NCALD: variants seen among roughly 807,000 people sequenced by gnomAD.
NCALD encodes neurocalcin-delta.
Under a neutral mutation model 18.6 loss-of-function variants are expected in NCALD, and 10 were observed. The ratio of observed to expected loss-of-function variants is 0.54; its 90% confidence interval spans 0.33 to 0.91. The LOEUF (loss-of-function observed/expected upper bound fraction) is 0.91. Among genes scored for constraint, NCALD ranks in the 40% least tolerant of loss-of-function variants. The probability of loss-of-function intolerance (pLI) is 0.03; values close to 1 mark genes in which losing one functional copy is unlikely to be tolerated. For synonymous variants in NCALD, 88 were observed against 87.4 expected (o/e 1.01, Z -0.04); for missense variants, 184 against 247.6 (o/e 0.74, Z 1.72).
intron 2 of NCALD, among the ~76,000 whole-genome samples, chr8:102,008,474 T>TAAAAAAAAAAAAAAA (rs34867950): frequency 7.5e-6 from 1 of 133,364 alleles, no homozygotes; most frequent in Non-Finnish European, 1.6e-5. Flanking sequence ...TAAAGGCAGT[T>TAAAAAAAAAAAAAAA]AAAAAAAAAA....
At chr8:101,756,455 G>A (rs1404046313) in intron 1 of NCALD, among the ~76,000 whole-genome samples, 1 of 152,202 alleles carries the variant, frequency 6.6e-6, no homozygotes, top group Non-Finnish European at 1.5e-5. Context: ...TACCTGGCCC[G>A]TGTTCAACAG....
chr8:102,046,448 CT>C (rs1341902720), intron 1 of NCALD, among the ~76,000 whole-genome samples: 1 of 152,178 alleles, frequency 6.6e-6, no homozygotes, highest in Non-Finnish European at 1.5e-5. Context: ...ATCTAATCTT[CT>C]AGTCATTTTT....
In NCALD at chr8:101,689,018, T is replaced by C; in HGVS notation, c.*291A>G. The C allele has an allele frequency of 1.4e-6, 1 of 697,938 alleles. No homozygotes were observed. Among genetic ancestry groups the C allele is most frequent in the Non-Finnish European group, 2.6e-6 (1 of 383,684 alleles). 43.2% of individuals were successfully genotyped at this position (697,938 alleles called of 1,614,324 possible). On this transcript the variant is annotated 3_prime_UTR_variant, in exon 4 of 4. Transcript: ENST00000220931. This position sits in a 1 kb window ranked among gnomAD's most constrained non-coding sequence, Gnocchi z 4.4. The stretch of plus-strand genomic sequence containing the variant: ...GCCCCAACCCCCGAGTCTTACGTTT[T>C]AGAACAGAGACATTAGAATAAAAAA...
At chr8:102,059,273 C>T (rs1227546020) in intron 1 of NCALD, among the ~76,000 whole-genome samples, 1 of 152,232 alleles carries the variant, frequency 6.6e-6, no homozygotes, top group East Asian at 1.9e-4. Context: ...GTAAGGTTCT[C>T]TGATGGGCTA....
rs564724757 is a variant in NCALD at position 101,945,236 on chromosome 8, C to T, written c.-156-29378G>A. ...ACTTTTCCAACAAGCATTTATTGAG[C>T]CTCTACTATGTGCCAGGCATCATGC... On this transcript the variant is annotated intron_variant, in intron 2 of 6. Transcript: ENST00000311028. Among the ~76,000 whole-genome samples, 5 of 152,236 alleles carry T rather than the reference C, an allele frequency of 3.3e-5. No individual in the cohort carries two copies. The South Asian group carries it at 1.0e-3, about 32-fold the overall frequency.
intron 4 of NCALD, among the ~76,000 whole-genome samples, chr8:101,883,084 AAT>A (rs1489766747): frequency 6.6e-6 from 1 of 152,244 alleles, no homozygotes; most frequent in Non-Finnish European, 1.5e-5. Context: ...TGTAAGAAGA[AAT>A]AGAGGCCAGA....
At position 101,819,263 on chromosome 8, in the gene NCALD, CTTTA is replaced by C. The variant is rs1554639373; in HGVS notation, c.-20+67874_-20+67877del. Among the ~76,000 whole-genome samples, 456 of 148,378 alleles carry C rather than the reference CTTTA, an allele frequency of 3.1e-3. 1 individual carries two copies. Among genetic ancestry groups the C allele is most frequent in the African/African-American group, 4.8e-3 (193 of 40,612 alleles). On this transcript the variant is annotated intron_variant, in intron 4 of 6. Coordinates refer to the NCALD transcript ENST00000311028. ...TATTTGTTTACTTATAAATACATAA[CTTTA>C]TTTATTTATTTATTTATTTATTTAT...
intron 4 of NCALD, among the ~76,000 whole-genome samples, chr8:101,854,861 C>T (rs1211919369): frequency 2.0e-5 from 3 of 152,112 alleles, no homozygotes; most frequent in Non-Finnish European, 4.4e-5. Context: ...ACACAATAAA[C>T]CTCAATGAGT....
At chr8:102,021,828 C>A (rs1822284561) in intron 1 of NCALD, among the ~76,000 whole-genome samples, 1 of 152,100 alleles carries the variant, frequency 6.6e-6, no homozygotes, top group Non-Finnish European at 1.5e-5. Flanking sequence ...GATGGGAGTG[C>A]CAGAGGTCTC....
intron 2 of NCALD, among the ~76,000 whole-genome samples, chr8:101,996,434 A>G (rs937793898): frequency 6.6e-6 from 1 of 152,272 alleles, no homozygotes; most frequent in East Asian, 1.9e-4. Context: ...GCAAGTGGAC[A>G]TGATCTGGGT....
chr8:102,040,635 T>G (rs1426750849), intron 1 of NCALD, among the ~76,000 whole-genome samples: 1 of 152,124 alleles, frequency 6.6e-6, no homozygotes, highest in African/African-American at 2.4e-5. Flanking sequence ...CAGGCAAGAA[T>G]GAATGAGCTT....
In NCALD at chr8:101,719,263, C is replaced by G. The variant is rs530185576; in HGVS notation, c.367G>C (p.Glu123Gln). Residue 123 changes from glutamate (E) to glutamine (Q), a missense_variant, in exon 2 of 4, where the codon GAG (glutamate) becomes CAG (glutamine). Glu to Gln is a conservative substitution (Grantham distance 29). Coordinates refer to ENST00000220931, the MANE Select transcript of NCALD (RefSeq NM_032041.3). ...CTCAGTCTACGTACCTGCACGATCT[C>G]TAGCATCTCTGCCTTGCTGATATAG... ...NGYISKAEML[E>Q]IVQAIYKMVS... is the part of the protein sequence containing the mutation. 4.3e-6 allele frequency: 7 copies of G among 1,613,720 alleles called. No homozygotes were observed. The highest frequency in any genetic ancestry group is 1.1e-5 in the South Asian group (1 of 90,988).
chr8:101,829,052 G>A (rs930700644), intron 4 of NCALD, among the ~76,000 whole-genome samples: 2 of 152,140 alleles, frequency 1.3e-5, no homozygotes, highest in Admixed American at 6.5e-5. Flanking sequence ...TCTAGTCTGA[G>A]GTGATGGGTT....
chr8:102,009,099 A>G (rs1355884009), intron 2 of NCALD, among the ~76,000 whole-genome samples: 1 of 152,252 alleles, frequency 6.6e-6, no homozygotes, highest in African/African-American at 2.4e-5. Flanking sequence ...TTGTTACTCC[A>G]TTGTGGCTCA....
upstream of NCALD, among the ~76,000 whole-genome samples, chr8:101,795,933 A>G (rs1812623769): frequency 6.6e-6 from 1 of 152,224 alleles, no homozygotes; most frequent in South Asian, 2.1e-4. Context: ...TAAACGGCAT[A>G]AGACAAGAGG....
intron 2 of NCALD, among the ~76,000 whole-genome samples, chr8:101,990,826 T>TA (rs1821016829): frequency 1.3e-5 from 2 of 152,302 alleles, no homozygotes; most frequent in Non-Finnish European, 2.9e-5. Flanking sequence ...GGGCAAGCAA[T>TA]ATTCTCCTAA....
intron 2 of NCALD, among the ~76,000 whole-genome samples, chr8:101,970,323 C>T (rs983457760): frequency 6.6e-6 from 1 of 152,098 alleles, no homozygotes; most frequent in Non-Finnish European, 1.5e-5. Context: ...CTCTTTTCAC[C>T]CATAATGATC....
At chr8:101,819,208 C>T (rs1370970766) in intron 4 of NCALD, among the ~76,000 whole-genome samples, 3 of 151,802 alleles carry the variant, frequency 2.0e-5, no homozygotes, top group Non-Finnish European at 4.4e-5. Context: ...ATACCATTTT[C>T]CCACAGGCTT....
intron 1 of NCALD, among the ~76,000 whole-genome samples, chr8:101,751,514 T>C (rs1294793368): frequency 1.3e-5 from 2 of 152,120 alleles, no homozygotes; most frequent in Non-Finnish European, 2.9e-5. Flanking sequence ...TTTTTTGTTA[T>C]GTTTACTTCA....
Sources: gnomAD v4.1 joint callset for allele counts (sites outside exome capture counted in the v4.1 genomes callset) on GRCh38, gnomAD v4.1.1 for gene constraint, Gnocchi (gnomAD v3.1) non-coding constraint, MANE v1.5 for transcripts, NCBI Gene and HGNC (gene_info 2026-07-23, HGNC 2026-07-21) for gene names.